The following SYNPO2 variants were observed in gnomAD, a reference collection of about 807,000 sequenced individuals.
The protein encoded by SYNPO2 is synaptopodin 2, also known as synaptopodin-2.
SYNPO2 carries 56 observed loss-of-function variants against 85.0 expected under a neutral mutation model. That is an observed-to-expected ratio of 0.66 (90% CI 0.53 to 0.82). SYNPO2 has a LOEUF of 0.82. Among genes scored for constraint, SYNPO2 ranks in the 40% least tolerant of loss-of-function variants. The pLI is 0.00. For synonymous variants in SYNPO2, 602 were observed against 591.1 expected (o/e 1.02, Z -0.27); for missense variants, 1,575 against 1,534.2 (o/e 1.03, Z -0.44).
At chr4:118,960,879 C>T (rs1735055828) in intron 1 of SYNPO2, among the ~76,000 whole-genome samples, 1 of 152,100 alleles carries the variant, frequency 6.6e-6, no homozygotes, top group Admixed American at 6.6e-5. Context: ...TTGGCTACCA[C>T]CTTAGTTCAT....
chr4:119,030,213 A>G lies in SYNPO2; in HGVS notation c.1438A>G (p.Lys480Glu), dbSNP rs1168310353. ...TGAAAAGAAACTGAACAGAGGGGAC[A>G]AGATGGAGATGTTACCAGACACCAC... is the stretch of plus-strand genomic sequence containing the variant. ...DIEKKLNRGD[K>E]MEMLPDTTGK... is the part of the protein sequence containing the mutation. Residue 480 changes from lysine to glutamate, a missense_variant, in exon 4 of 5, where the codon AAG (lysine) becomes GAG (glutamate). Physicochemically the swap from Lys to Glu is moderately conservative, Grantham distance 56 (BLOSUM62 1). Coordinates refer to ENST00000307142, the MANE Select transcript of SYNPO2 (RefSeq NM_133477.3). The G allele has an allele frequency of 6.2e-7, 1 of 1,614,110 alleles. No homozygotes were observed. The highest frequency in any genetic ancestry group is 1.1e-5 in the South Asian group (1 of 91,072).
At chr4:118,943,679 A>T (rs1352495468) in intron 1 of SYNPO2, among the ~76,000 whole-genome samples, 1 of 152,348 alleles carries the variant, frequency 6.6e-6, no homozygotes, top group East Asian at 1.9e-4. Flanking sequence ...GGAAAAAATT[A>T]AGTTACTTGA....
chr4:118,939,792 A>G (rs1734237653), intron 1 of SYNPO2, among the ~76,000 whole-genome samples: 1 of 152,162 alleles, frequency 6.6e-6, no homozygotes, highest in African/African-American at 2.4e-5. Flanking sequence ...AAATTTACAT[A>G]TGCTGCCTGA....
chr4:118,997,155 G>A (rs1379142532), intron 1 of SYNPO2, among the ~76,000 whole-genome samples: 2 of 147,342 alleles, frequency 1.4e-5, no homozygotes, highest in Non-Finnish European at 3.0e-5. Flanking sequence ...CAGGAGAATG[G>A]CGTGAACCCG....
At chr4:118,925,939 C>T (rs1388116471) in intron 1 of SYNPO2, among the ~76,000 whole-genome samples, 1 of 152,046 alleles carries the variant, frequency 6.6e-6, no homozygotes, top group Admixed American at 6.6e-5. Flanking sequence ...TAAGAAGTAC[C>T]ATGATTTTTG....
intron 1 of SYNPO2, among the ~76,000 whole-genome samples, chr4:119,013,739 T>G (rs1737418934): frequency 6.6e-6 from 1 of 152,220 alleles, no homozygotes; most frequent in Admixed American, 6.5e-5. Flanking sequence ...ATGAAATGTG[T>G]CAACATTTGA....
intron 1 of SYNPO2, among the ~76,000 whole-genome samples, chr4:118,909,284 A>G (rs1010397857): frequency 1.3e-5 from 2 of 152,176 alleles, no homozygotes; most frequent in Non-Finnish European, 2.9e-5. Flanking sequence ...TTCCATTTAC[A>G]TGGCTCTTAA....
At chr4:118,927,860 A>G (rs1733790610) in intron 1 of SYNPO2, among the ~76,000 whole-genome samples, 1 of 152,168 alleles carries the variant, frequency 6.6e-6, no homozygotes, top group Non-Finnish European at 1.5e-5. Flanking sequence ...GGAAAAATGC[A>G]TTCTGCCTGT....
chr4:119,010,822 A>G (rs1231230978), intron 1 of SYNPO2, among the ~76,000 whole-genome samples: 1 of 152,238 alleles, frequency 6.6e-6, no homozygotes, highest in African/African-American at 2.4e-5. Flanking sequence ...TAATTAACTA[A>G]TTAATCAAAA....
rs182179867 is a variant in SYNPO2, at chr4:119,001,580, G to A, written c.106-21850G>A. ...TCACTCAAATCCAGTATACCGGGAA[G>A]CCAAAATATCAAAAATGCAAGGATT... On this transcript the variant is annotated intron_variant, in intron 1 of 4. Transcript: ENST00000307142. 9.2e-5 allele frequency among the ~76,000 whole-genome samples: 14 copies of A among 152,256 alleles called. No individual in the cohort carries two copies. In the East Asian group the frequency reaches 2.5e-3, roughly 27 times the overall value.
intron 4 of SYNPO2, chr4:119,033,827 C>A (rs915462516): frequency 2.0e-6 from 2 of 984,574 alleles, no homozygotes; most frequent in African/African-American, 1.7e-5. Flanking sequence ...GCTCCCACAA[C>A]AATTTCATTG....
chr4:118,856,196 A>G (rs1731502420), intron 1 of SYNPO2, among the ~76,000 whole-genome samples: 2 of 152,244 alleles, frequency 1.3e-5, no homozygotes, highest in African/African-American at 4.8e-5. Context: ...ACTGTGTGCA[A>G]GTAACATATT....
At position 118,964,297 on chromosome 4, in the gene SYNPO2, AACACACACACACACAC is replaced by A. The variant is rs10523074; in HGVS notation, c.106-59104_106-59089del. ...AACCCTGTCTCTACAAAACACACAC[AACACACACACACACAC>A]ACACACACACACACACACACACACA... On this transcript the variant is annotated intron_variant, in intron 1 of 4. Transcript: ENST00000307142. 7.6e-4 allele frequency among the ~76,000 whole-genome samples: 107 copies of A among 140,698 alleles called. 1 individual carries two copies. The highest frequency in any genetic ancestry group is 2.0e-3 in the Admixed American group (27 of 13,710). The allele number at this position is 140,698 out of a possible 152,430, so 92.3% of individuals were successfully genotyped here.
At position 118,970,563 on chromosome 4, in the gene SYNPO2, A is replaced by G. The variant is rs141559747; in HGVS notation, c.106-52867A>G. Among the ~76,000 whole-genome samples, 802 of 152,328 alleles carry G rather than the reference A, an allele frequency of 5.3e-3. 21 individuals carry two copies. Among genetic ancestry groups the G allele is most frequent in the Admixed American group, 0.047 (722 of 15,302 alleles). On this transcript the variant is annotated intron_variant, in intron 1 of 4. Coordinates refer to ENST00000307142, the MANE Select transcript of SYNPO2 (RefSeq NM_133477.3). ...AATGCTTTTACCTTAACCACCCCAC[A>G]TATTATTTACAAATTTGTCTGTATA...
At chr4:118,890,139 G>T (rs1358404012) in intron 1 of SYNPO2, among the ~76,000 whole-genome samples, 5 of 144,430 alleles carry the variant, frequency 3.5e-5, no homozygotes, top group African/African-American at 5.1e-5. Context: ...TTTTTTTTTT[G>T]TAGTTATTGT....
chr4:118,916,546 A>G (rs1439142035), intron 1 of SYNPO2, among the ~76,000 whole-genome samples: 2 of 140,894 alleles, frequency 1.4e-5, no homozygotes, highest in Non-Finnish European at 3.2e-5. Flanking sequence ...TCTAAGAAAT[A>G]TAAACCTATT....
intron 1 of SYNPO2, among the ~76,000 whole-genome samples, chr4:118,880,845 C>T (rs1732075470): frequency 6.6e-6 from 1 of 151,768 alleles, no homozygotes; most frequent in African/African-American, 2.4e-5. Flanking sequence ...TTCACTCTTT[C>T]TGATGTTTCA....
intron 1 of SYNPO2, among the ~76,000 whole-genome samples, chr4:118,974,094 A>G (rs12644954): frequency 0.27 from 41,606 of 152,172 alleles, 6,259 homozygotes; most frequent in East Asian, 0.44. Context: ...AAACATAGCT[A>G]AATATTAAAC....
chr4:118,886,153 G>T (rs907083574), upstream of SYNPO2, among the ~76,000 whole-genome samples: 1 of 152,154 alleles, frequency 6.6e-6, no homozygotes, highest in Non-Finnish European at 1.5e-5. Flanking sequence ...TTTGAAGCTA[G>T]ACTTGAGTGG....
Sources: allele counts gnomAD v4.1 joint callset (sites outside exome capture counted in the v4.1 genomes callset), GRCh38; gene constraint gnomAD v4.1.1; transcripts MANE v1.5; gene names NCBI Gene and HGNC (gene_info 2026-07-23, HGNC 2026-07-21).